Variants in TUBGCP5 observed in about 807,000 individuals in gnomAD.
The protein encoded by TUBGCP5 is tubulin gamma complex component 5.
TUBGCP5 carries 98 observed loss-of-function variants against 134.7 expected under a neutral mutation model. The observed-to-expected ratio is 0.73, with a 90% CI of 0.62 to 0.86. TUBGCP5 has a LOEUF of 0.86. TUBGCP5 is among the 40% of genes least tolerant of loss of function. The pLI, the probability that TUBGCP5 is intolerant of heterozygous loss-of-function variation, is 0.00. For synonymous variants in TUBGCP5, 456 were observed against 431.4 expected (o/e 1.06, Z -0.71); for missense variants, 1,150 against 1,244.8 (o/e 0.92, Z 1.15).
At chr15:23,036,288 TG>T (rs1230197090) in intron 3 of TUBGCP5, among the ~76,000 whole-genome samples, 1 of 152,148 alleles carries the variant, frequency 6.6e-6, no homozygotes, top group Non-Finnish European at 1.5e-5. Flanking sequence ...ACTTTGCACA[TG>T]TTGTCATATA....
intron 5 of TUBGCP5, 59 bp downstream of exon 5, chr15:23,031,891 A>T: frequency 1.5e-6 from 2 of 1,376,492 alleles, no homozygotes; most frequent in Non-Finnish European, 2.0e-6. Context: ...ACCCATGAAA[A>T]TCATCTATAT....
At chr15:23,032,924 T>A (rs929812940) in intron 3 of TUBGCP5, 100 bp from the exon 4 acceptor site, 13 of 837,354 alleles carry the variant, frequency 1.6e-5, no homozygotes, top group South Asian at 8.4e-5. Flanking sequence ...TCCCCAATTT[T>A]TTTCCTGGTT....
downstream of TUBGCP5, among the ~76,000 whole-genome samples, chr15:22,997,336 C>T (rs751995968): frequency 2.0e-5 from 3 of 151,862 alleles, no homozygotes; most frequent in African/African-American, 4.8e-5. Flanking sequence ...TGCGCCACCA[C>T]GCCCGGCTGA....
chr15:23,024,498 A>G, intron 9 of TUBGCP5: 1 of 432,672 alleles, frequency 2.3e-6, no homozygotes, highest in Non-Finnish European at 4.0e-6. Context: ...AAAAGCAGAA[A>G]ATGCAAATTG....
chr15:23,007,138 G>A (rs1055157168), intron 16 of TUBGCP5, among the ~76,000 whole-genome samples: 7 of 152,086 alleles, frequency 4.6e-5, no homozygotes, highest in African/African-American at 1.2e-4. Flanking sequence ...TGCCGGGTGC[G>A]GTGGCTCACA....
chr15:23,017,743 A>G lies in TUBGCP5; in HGVS notation c.1756+30T>C, dbSNP rs768995282. 3.1e-6 allele frequency: 5 copies of G among 1,599,766 alleles called. No individual in the cohort carries two copies. The East Asian group carries it at 9.0e-5, about 29-fold the overall frequency. ...GAGTAGGGTCAGGTGTCCCAACACC[A>G]AGAGAGACACAGGAAGACGGAACAA... On this transcript the variant is annotated intron_variant, in intron 13 of 22. Transcript: ENST00000615383.
downstream of TUBGCP5, among the ~76,000 whole-genome samples, chr15:22,995,304 G>T (rs762525124): frequency 2.0e-5 from 3 of 151,178 alleles, no homozygotes; most frequent in Non-Finnish European, 4.4e-5. Context: ...CAAATTAAAA[G>T]ATCACTCAGA....
Position 23,030,938 on chromosome 15 carries a change from G to T in TUBGCP5, c.569C>A (p.Pro190Gln). ...TCTGTTTTGATCTTGTTCTTCTAAC[G>T]GTGTCCTGTCTACCTGAATTCCAGA... ...EDSGIQVDRTPLEEQDQNRKL... is the reference protein window; with the variant it reads ...EDSGIQVDRTQLEEQDQNRKL... The change falls in exon 6 of 23, where the codon CCG (proline) becomes CAG (glutamine). Residue 190 changes from proline to glutamine, a missense_variant. Coordinates refer to ENST00000615383, the MANE Select transcript of TUBGCP5 (RefSeq NM_052903.6). 1 of 1,613,462 alleles carries T rather than the reference G, an allele frequency of 6.2e-7. No homozygotes were observed. Among genetic ancestry groups the T allele is most frequent in the Non-Finnish European group, 8.5e-7 (1 of 1,179,846 alleles).
intron 12 of TUBGCP5, 89 bp from the exon 13 acceptor site, chr15:23,018,130 A>G (rs1338539379): frequency 1.3e-5 from 17 of 1,323,128 alleles, no homozygotes; most frequent in Non-Finnish European, 1.7e-5. Context: ...ACATTATAAA[A>G]CATAGTATTA....
intron 23 of TUBGCP5, among the ~76,000 whole-genome samples, chr15:22,987,560 A>G (rs1251443670): frequency 6.6e-6 from 1 of 151,816 alleles, no homozygotes; most frequent in Non-Finnish European, 1.5e-5. Flanking sequence ...ACAGGTCACA[A>G]AAGTAGAGTC....
intron 15 of TUBGCP5, 129 bp downstream of exon 15, chr15:23,009,816 T>C: frequency 1.5e-6 from 1 of 647,832 alleles, no homozygotes; most frequent in Non-Finnish European, 2.3e-6. Flanking sequence ...TTGATTTCTC[T>C]TAGAAAATTG....
At chr15:22,987,614 G>A (rs2140336774) in intron 23 of TUBGCP5, among the ~76,000 whole-genome samples, 1 of 149,634 alleles carries the variant, frequency 6.7e-6, no homozygotes. Context: ...ACCCCAGAGG[G>A]GGCCAGGCGC....
At chr15:23,024,313 G>T in intron 9 of TUBGCP5, 120 bp from the exon 10 acceptor site, 1 of 1,097,368 alleles carries the variant, frequency 9.1e-7, no homozygotes, top group Non-Finnish European at 1.3e-6. Flanking sequence ...TTTAGTAGAA[G>T]ACAAAGTAAT....
At chr15:22,994,741 G>A (rs2063991593), downstream of TUBGCP5, among the ~76,000 whole-genome samples, 1 of 152,190 alleles carries the variant, frequency 6.6e-6, no homozygotes, top group East Asian at 1.9e-4. Flanking sequence ...ATTGCTGGGT[G>A]ATAAGTTGTT....
intron 1 of TUBGCP5, among the ~76,000 whole-genome samples, 184 bp downstream of exon 1, chr15:23,039,214 G>A (rs1294085448): frequency 1.3e-5 from 2 of 151,900 alleles, no homozygotes; most frequent in African/African-American, 4.8e-5. Context: ...GGTGCGCAGG[G>A]CACCGCGCCG....
chr15:22,996,477 T>C (rs897498191), downstream of TUBGCP5, among the ~76,000 whole-genome samples: 1 of 152,104 alleles, frequency 6.6e-6, no homozygotes, highest in Admixed American at 6.6e-5. Flanking sequence ...GACTTCATCT[T>C]TTTAATTTTT....
At chr15:23,039,046 A>T (rs1038173974) in intron 1 of TUBGCP5, among the ~76,000 whole-genome samples, 1 of 147,958 alleles carries the variant, frequency 6.8e-6, no homozygotes, top group Non-Finnish European at 1.5e-5. Context: ...AAAAAAAAAA[A>T]TTATAAACAT....
Position 23,013,039 on chromosome 15 carries a change from G to A in TUBGCP5, c.1757-1708C>T, listed in dbSNP as rs1397298973. Among the ~76,000 whole-genome samples, 1 of 152,098 alleles carries A rather than the reference G, an allele frequency of 6.6e-6. No individual in the cohort carries two copies. The highest frequency in any genetic ancestry group is 6.6e-5 in the Admixed American group (1 of 15,264). The stretch of plus-strand genomic sequence containing the variant: ...AATCACTTGAACCTGTGAGGCAGAA[G>A]TTGCAGTGAGCCGAGATCATGCCAC... On this transcript the variant is annotated intron_variant, in intron 13 of 22. Coordinates refer to ENST00000615383, the MANE Select transcript of TUBGCP5 (RefSeq NM_052903.6). This position sits in a 1 kb window ranked among gnomAD's most constrained non-coding sequence, Gnocchi z 4.5.
At position 22,992,007 on chromosome 15, in the gene TUBGCP5, A is replaced by T. The variant is rs138791561; in HGVS notation, c.*61+4838T>A. On this transcript the variant is annotated intron_variant and NMD_transcript_variant, in intron 23 of 23. Transcript: ENST00000614508. ...CAAAGGAGGCAGTTCATCTACAACA[A>T]AACCAGTGATTGGAAGTGGGGAGGT... Among the ~76,000 whole-genome samples, 425 of 152,292 alleles carry T rather than the reference A, an allele frequency of 2.8e-3. 2 individuals are homozygous for T. Among genetic ancestry groups the T allele is most frequent in the Non-Finnish European group, 5.3e-3 (362 of 68,026 alleles).
Sources: allele counts gnomAD v4.1 joint callset (sites outside exome capture counted in the v4.1 genomes callset), GRCh38; gene constraint gnomAD v4.1.1; non-coding constraint Gnocchi (gnomAD v3.1); transcripts MANE v1.5; gene names NCBI Gene and HGNC (gene_info 2026-07-23, HGNC 2026-07-21).